The following SAP130 variants were observed in gnomAD, a reference collection of about 807,000 sequenced individuals.
SAP130 encodes histone deacetylase complex subunit SAP130.
Under a neutral mutation model 103.2 loss-of-function variants are expected in SAP130, and 16 were observed. The ratio of observed to expected loss-of-function variants is 0.16; its 90% CI spans 0.10 to 0.24. The LOEUF is 0.24. SAP130 is among the 10% of genes least tolerant of loss of function. The probability of loss-of-function intolerance (pLI) is 1.00; values close to 1 mark genes in which losing one functional copy is unlikely to be tolerated. For synonymous variants in SAP130, 477 were observed against 497.0 expected (o/e 0.96, Z 0.53); for missense variants, 990 against 1,359.7 (o/e 0.73, Z 4.28).
intron 2 of SAP130, among the ~76,000 whole-genome samples, chr2:128,023,506 G>A (rs1411749133): frequency 1.3e-5 from 2 of 152,108 alleles, no homozygotes; most frequent in South Asian, 2.1e-4. Flanking sequence ...ACCATCAGGC[G>A]CAGTGGCTCA....
At chr2:128,005,617 AAAAC>A (rs1267298049) in intron 7 of SAP130, among the ~76,000 whole-genome samples, 14 of 152,144 alleles carry the variant, frequency 9.2e-5, no homozygotes, top group Middle Eastern at 3.2e-3. Flanking sequence ...AAAAGAAAAA[AAAAC>A]AAACAAACTG....
chr2:127,979,025 C>T (rs1348409295), intron 14 of SAP130, among the ~76,000 whole-genome samples: 1 of 152,070 alleles, frequency 6.6e-6, no homozygotes, highest in Non-Finnish European at 1.5e-5. Flanking sequence ...AGGGCCTTTG[C>T]AAATGTAATT....
chr2:128,001,046 C>T (rs1161889404), intron 7 of SAP130, among the ~76,000 whole-genome samples: 1 of 152,166 alleles, frequency 6.6e-6, no homozygotes, highest in East Asian at 1.9e-4. Context: ...AACTATGACC[C>T]TTGAAGCATG....
chr2:127,945,995 G>A (rs1679052371), intron 18 of SAP130, among the ~76,000 whole-genome samples: 1 of 152,092 alleles, frequency 6.6e-6, no homozygotes, highest in Non-Finnish European at 1.5e-5. Context: ...ATCTAGGAGA[G>A]GCAAGCCAAG....
Position 127,950,346 on chromosome 2 carries a change from A to C in SAP130, c.2485T>G (p.Ser829Ala), listed in dbSNP as rs763832473. Residue 829 changes from serine (S) to alanine (A), a missense_variant, in exon 17 of 21, where the codon TCC becomes GCC. Coordinates refer to ENST00000643581, the MANE Select transcript of SAP130 (RefSeq NM_001330301.2). ...PSLALLANNL[S>A]MPTSDLPPGA... ...GGTGGTAGGTCACTTGTAGGCATGG[A>C]CAAGTTGTTTGCCAGCAATGCAAGA... 2 of 1,614,206 alleles carry C rather than the reference A, an allele frequency of 1.2e-6. No homozygotes were observed. Among genetic ancestry groups the C allele is most frequent in the Admixed American group, 3.3e-5 (2 of 60,018 alleles).
In SAP130 at chr2:127,999,830, G is replaced by A. The variant is rs771161654; in HGVS notation, c.1124C>T (p.Thr375Met). 17 of 1,534,950 alleles carry A rather than the reference G, an allele frequency of 1.1e-5. No individual in the cohort carries two copies. Among genetic ancestry groups the A allele is most frequent in the Admixed American group, 2.2e-5 (1 of 46,162 alleles). Reference sequence around the variant, plus strand: ...AACAATGGTACTTGTGGGAGCTTGCGTGTGTGACACAGATCCTGAAATAGG... The same window carrying A: ...AACAATGGTACTTGTGGGAGCTTGCATGTGTGACACAGATCCTGAAATAGG... The part of the protein sequence containing the change: ...SATTAGSVSH[T>M]QAPTSTIVTM... The change falls in exon 10 of 21, where the codon ACG (threonine) becomes ATG (methionine). Residue 375 changes from threonine (T) to methionine (M), a missense_variant. Around this residue, in one of 6 missense-constraint regions of SAP130, gnomAD observed 336 missense variants for 520.1 expected, o/e 0.65. Transcript: ENST00000643581.
intron 3 of SAP130, 110 bp from the exon 4 acceptor site, chr2:128,016,657 C>A: frequency 8.4e-7 from 1 of 1,193,682 alleles, no homozygotes; most frequent in Non-Finnish European, 1.2e-6. Context: ...AGGAAAGATG[C>A]CGTAAGCTTT....
At chr2:127,958,681 A>AGC (rs1161254103) in intron 15 of SAP130, among the ~76,000 whole-genome samples, 4 of 121,536 alleles carry the variant, frequency 3.3e-5, no homozygotes, top group Admixed American at 1.7e-4. Flanking sequence ...AGAGAGAGAG[A>AGC]GAGAATCTCT....
At position 127,955,255 on chromosome 2, in the gene SAP130, G is replaced by C. The variant is rs772106919; in HGVS notation, c.2153C>G (p.Pro718Arg). The C allele has an allele frequency of 3.7e-6, 6 of 1,614,038 alleles. No individual in the cohort carries two copies. The highest frequency in any genetic ancestry group is 5.1e-6 in the Non-Finnish European group (6 of 1,179,968). Residue 718 changes from proline to arginine, a missense_variant, in exon 16 of 21, where the codon CCT (proline) becomes CGT (arginine). Around this residue, in one of 6 missense-constraint regions of SAP130, gnomAD observed 349 missense variants for 384.1 expected, o/e 0.91. Coordinates refer to ENST00000643581, the MANE Select transcript of SAP130 (RefSeq NM_001330301.2). This position sits in a 1 kb window ranked among gnomAD's most constrained non-coding sequence, Gnocchi z 4.9. The stretch of plus-strand genomic sequence containing the variant: ...GGCAGTTGGAGGGACGGCAATGGTA[G>C]GCTGATCATTATTTTGATTGGATAC... ...ETVSNQNNDQ[P>R]TIAVPPTAQQ...
In SAP130 at chr2:127,941,788, A is replaced by C. The variant is rs1414115440; in HGVS notation, c.*218T>G. On this transcript the variant is annotated 3_prime_UTR_variant, in exon 21 of 21. Coordinates refer to ENST00000643581, the MANE Select transcript of SAP130 (RefSeq NM_001330301.2). ...GTCACTTATGACACAGATCAGGTTTAACAGGGGTGCACCCGAACGCAAGAA... is the reference window on the plus strand; with the variant it reads ...GTCACTTATGACACAGATCAGGTTTCACAGGGGTGCACCCGAACGCAAGAA... The C allele has an allele frequency of 5.5e-6, 3 of 547,546 alleles. No homozygotes were observed. The highest frequency in any genetic ancestry group is 3.9e-5 in the African/African-American group (2 of 50,956). 33.9% of individuals were successfully genotyped at this position (547,546 alleles called of 1,614,324 possible). A position where few individuals can be genotyped will look rare whatever the true frequency, so the allele number is the denominator to read the frequency against.
intron 18 of SAP130, among the ~76,000 whole-genome samples, chr2:127,945,780 G>A (rs146759650): frequency 1.4e-4 from 21 of 152,176 alleles, no homozygotes; most frequent in Non-Finnish European, 2.5e-4. Flanking sequence ...GGCCTCCCAA[G>A]TAGCTGGGAC....
At chr2:127,949,112 C>T (rs1679320792) in intron 18 of SAP130, among the ~76,000 whole-genome samples, 2 of 152,160 alleles carry the variant, frequency 1.3e-5, no homozygotes, top group South Asian at 4.1e-4. Context: ...TCCACCTCTG[C>T]TTACTTAGTC....
chr2:127,964,841 T>G (rs570381810), intron 15 of SAP130, among the ~76,000 whole-genome samples: 55 of 148,116 alleles, frequency 3.7e-4, no homozygotes, highest in Non-Finnish European at 6.9e-4. Context: ...TACTAAAAAT[T>G]CAAAAATTAG....
chr2:128,000,439 A>C lies in SAP130; in HGVS notation c.885T>G (p.Ser295=). The change falls in exon 8 of 21, where the codon TCT becomes TCG. Residue 295 remains serine, a synonymous_variant. Transcript: ENST00000643581. ...TTGCTGCAGATGGAGGATGCTGGAT[A>C]GACAAGGTTGGCCTACTGAAAAGAT... ...TDSALSRPTL[S]IQHPPSAAIS... The C allele has an allele frequency of 6.2e-7, 1 of 1,614,184 alleles. No homozygotes were observed. The highest frequency in any genetic ancestry group is 1.1e-5 in the South Asian group (1 of 91,088).
Position 127,958,635 on chromosome 2 carries a change from T to TGAGAGAGA in SAP130, c.2064-3299_2064-3292dup, listed in dbSNP as rs372337440. ...CTCATATATATGAGAGTGAGACAGA[T>TGAGAGAGA]GAGAGAGAGAGAGAGAGAGAGAGAG... On this transcript the variant is annotated intron_variant, in intron 15 of 20. Transcript: ENST00000643581. Among the ~76,000 whole-genome samples the TGAGAGAGA allele has an allele frequency of 2.6e-3, 338 of 127,672 alleles. 3 individuals carry two copies. The highest frequency in any genetic ancestry group is 6.3e-3 in the African/African-American group (200 of 31,704). The allele number at this position is 127,672 out of a possible 152,430, so 83.8% of individuals were successfully genotyped here.
intron 2 of SAP130, among the ~76,000 whole-genome samples, chr2:128,022,917 C>T (rs1685252128): frequency 6.6e-6 from 1 of 152,044 alleles, no homozygotes; most frequent in South Asian, 2.1e-4. Context: ...GCAACCTCCG[C>T]TTCCCAGGCT....
In SAP130 at chr2:127,996,710, A is replaced by G. The variant is rs1344473330; in HGVS notation, c.1214-219T>C. Among the ~76,000 whole-genome samples, 2 of 152,214 alleles carry G rather than the reference A, an allele frequency of 1.3e-5. No homozygotes were observed. The highest frequency in any genetic ancestry group is 2.9e-5 in the Non-Finnish European group (2 of 68,036). On this transcript the variant is annotated intron_variant, in intron 10 of 20. Coordinates refer to ENST00000643581, the MANE Select transcript of SAP130 (RefSeq NM_001330301.2). The surrounding 1 kb of genome is among the most constrained non-coding windows in gnomAD (Gnocchi z 4.3). ...TACTGTTATTAAAGCAGGGTTCAAC[A>G]TTAATACTGAAACAAAGATAGAAGT...
chr2:127,946,993 TAGAG>T (rs60193525), intron 18 of SAP130, among the ~76,000 whole-genome samples: 23 of 127,872 alleles, frequency 1.8e-4, no homozygotes, highest in Non-Finnish European at 3.1e-4. Context: ...GACAGAGAAG[TAGAG>T]AGAGAGAGAG....
intron 3 of SAP130, among the ~76,000 whole-genome samples, chr2:128,016,852 A>C (rs1684824093): frequency 6.6e-6 from 1 of 152,224 alleles, no homozygotes; most frequent in African/African-American, 2.4e-5. Flanking sequence ...CTTCTACATG[A>C]TGCTGCCTCC....
Sources: gnomAD v4.1 joint callset for allele counts (sites outside exome capture counted in the v4.1 genomes callset) on GRCh38, gnomAD v4.1.1 for gene constraint, gnomAD v4.1.1 regional missense constraint, Gnocchi (gnomAD v3.1) non-coding constraint, MANE v1.5 for transcripts, NCBI Gene and HGNC (gene_info 2026-07-23, HGNC 2026-07-21) for gene names.